Variants in PPP2R3A observed in about 807,000 individuals in gnomAD.
PPP2R3A encodes the protein protein phosphatase 2 regulatory subunit B''alpha.
In PPP2R3A, 80 loss-of-function variants were observed where a neutral mutation model predicts 106.9. The observed-to-expected ratio is 0.75, with a 90% CI of 0.62 to 0.90. PPP2R3A has a LOEUF of 0.90. Among genes scored for constraint, PPP2R3A ranks in the 40% least tolerant of loss-of-function variants. PPP2R3A has a pLI of 0.00. For synonymous variants in PPP2R3A, 483 were observed against 468.3 expected, an observed-to-expected ratio of 1.03 and a Z score of -0.41; for missense variants, 1,386 against 1,350.4, an observed-to-expected ratio of 1.03 and a Z score of -0.41.
intron 1 of PPP2R3A, among the ~76,000 whole-genome samples, chr3:135,988,260 A>G (rs1291520238): frequency 6.6e-6 from 1 of 152,032 alleles, no homozygotes; most frequent in Non-Finnish European, 1.5e-5. Context: ...ATTAAAAAAA[A>G]AAAAAAACAG....
chr3:135,971,726 G>A (rs1214420695), intron 1 of PPP2R3A, among the ~76,000 whole-genome samples: 1 of 152,216 alleles, frequency 6.6e-6, no homozygotes, highest in Non-Finnish European at 1.5e-5. Flanking sequence ...GGTTTGTAAT[G>A]TGAGTCCATT....
chr3:136,055,273 T>C, intron 5 of PPP2R3A: 4 of 854,872 alleles, frequency 4.7e-6, no homozygotes, highest in South Asian at 1.3e-5. Flanking sequence ...TACAAATGGA[T>C]CACAGACCTG....
intron 13 of PPP2R3A, among the ~76,000 whole-genome samples, chr3:136,112,639 A>T (rs1937611343): frequency 6.6e-6 from 1 of 152,220 alleles, no homozygotes; most frequent in South Asian, 2.1e-4. Context: ...AGACAACATT[A>T]AAAAATGGAA....
intron 2 of PPP2R3A, among the ~76,000 whole-genome samples, chr3:136,024,739 T>C (rs895665824): frequency 7.2e-5 from 11 of 152,144 alleles, no homozygotes; most frequent in Admixed American, 1.3e-4. Context: ...ACAGAAAACA[T>C]TGGTGATTGT....
At chr3:136,116,046 T>C (rs1380203080) in intron 13 of PPP2R3A, among the ~76,000 whole-genome samples, 1 of 152,070 alleles carries the variant, frequency 6.6e-6, no homozygotes, top group Non-Finnish European at 1.5e-5. Flanking sequence ...ACAGCAGATC[T>C]CTGCAGAAAC....
chr3:135,983,404 C>T (rs1937565094), intron 1 of PPP2R3A, among the ~76,000 whole-genome samples: 1 of 152,162 alleles, frequency 6.6e-6, no homozygotes, highest in South Asian at 2.1e-4. Flanking sequence ...ATCACACTGC[C>T]ACCTGAATCC....
At chr3:136,059,317 A>G (rs1935997958) in intron 5 of PPP2R3A, among the ~76,000 whole-genome samples, 1 of 152,192 alleles carries the variant, frequency 6.6e-6, no homozygotes, top group Admixed American at 6.5e-5. Flanking sequence ...AAGTGAGCAA[A>G]ATACATGAAC....
intron 13 of PPP2R3A, among the ~76,000 whole-genome samples, chr3:136,131,878 C>T (rs1938435628): frequency 6.6e-6 from 1 of 151,874 alleles, no homozygotes; most frequent in African/African-American, 2.4e-5. Flanking sequence ...TGGATGAAGC[C>T]GAAAACCATC....
In PPP2R3A at chr3:136,070,695, T is replaced by C. The variant is rs1006516256; in HGVS notation, c.2544+143T>C. 4 of 626,522 alleles carry C rather than the reference T, an allele frequency of 6.4e-6. No individual in the cohort carries two copies. In the African/African-American group the frequency reaches 7.7e-5, roughly 12 times the overall value. The allele number at this position is 626,522 out of a possible 1,614,324, so 38.8% of individuals were successfully genotyped here. A position where few individuals can be genotyped will look rare whatever the true frequency, so the allele number is the denominator to read the frequency against. On this transcript the variant is annotated intron_variant, in intron 6 of 13. Transcript: ENST00000264977. ...CAAGTGGAAGGAAGCTAAAATAAAATTGAATTCATAATTTCTTCATTTTTA... is the reference window on the plus strand; with the variant it reads ...CAAGTGGAAGGAAGCTAAAATAAAACTGAATTCATAATTTCTTCATTTTTA...
At position 136,147,688 on chromosome 3, in the gene PPP2R3A, A is replaced by G. The variant is rs1939193485; in HGVS notation, c.*2522A>G. ...TTCAATGAGAAATGAGTTTAATAGCATAACATTACCAAGGTAATCAAACTA... is the reference window on the plus strand; with the variant it reads ...TTCAATGAGAAATGAGTTTAATAGCGTAACATTACCAAGGTAATCAAACTA... On this transcript the variant is annotated 3_prime_UTR_variant, in exon 14 of 14. Coordinates refer to ENST00000264977, the MANE Select transcript of PPP2R3A (RefSeq NM_002718.5). The G allele has an allele frequency of 6.6e-6, 1 of 152,382 alleles. No homozygotes were observed. Among genetic ancestry groups the G allele is most frequent in the Non-Finnish European group, 1.5e-5 (1 of 68,026 alleles). The allele number at this position is 152,382 out of a possible 1,614,324, so 9.4% of individuals were successfully genotyped here.
chr3:136,091,230 A>T (rs760223996), intron 10 of PPP2R3A, among the ~76,000 whole-genome samples: 2 of 152,208 alleles, frequency 1.3e-5, no homozygotes, highest in African/African-American at 4.8e-5. Context: ...GTTTGTGCTC[A>T]GTACCAAGGG....
intron 5 of PPP2R3A, among the ~76,000 whole-genome samples, chr3:136,051,403 C>T (rs951965095): frequency 1.1e-4 from 17 of 152,188 alleles, no homozygotes; most frequent in African/African-American, 4.1e-4. Context: ...GATCTTGGCT[C>T]ACTGCAGCCT....
At chr3:136,144,921 C>A in intron 13 of PPP2R3A, 122 bp from the exon 14 acceptor site, 1 of 1,062,570 alleles carries the variant, frequency 9.4e-7, no homozygotes, top group Non-Finnish European at 1.3e-6. Flanking sequence ...TTGCTCACGG[C>A]CTCCATTTAG....
intron 2 of PPP2R3A, among the ~76,000 whole-genome samples, chr3:136,007,892 G>A (rs532752456): frequency 7.2e-5 from 11 of 152,190 alleles, no homozygotes; most frequent in African/African-American, 2.4e-4. Flanking sequence ...TTGGATGCCC[G>A]AGAGAAATCT....
At chr3:136,011,190 A>C (rs942126635) in intron 2 of PPP2R3A, among the ~76,000 whole-genome samples, 8 of 151,862 alleles carry the variant, frequency 5.3e-5, no homozygotes, top group Admixed American at 3.9e-4. Flanking sequence ...GCACACATAC[A>C]ATCTTTGGCA....
chr3:135,994,249 C>T (rs1384546698), intron 1 of PPP2R3A, among the ~76,000 whole-genome samples: 1 of 152,156 alleles, frequency 6.6e-6, no homozygotes, highest in Admixed American at 6.6e-5. Flanking sequence ...AGACTAGGAG[C>T]TGGAGTTAGT....
chr3:135,984,503 C>A (rs1014008594), intron 1 of PPP2R3A, among the ~76,000 whole-genome samples: 1 of 152,134 alleles, frequency 6.6e-6, no homozygotes, highest in African/African-American at 2.4e-5. Context: ...GAATTGTAAT[C>A]CCCAAGTGTT....
intron 1 of PPP2R3A, among the ~76,000 whole-genome samples, chr3:135,978,717 C>T (rs1293501955): frequency 3.3e-5 from 5 of 151,856 alleles, no homozygotes; most frequent in Non-Finnish European, 7.4e-5. Flanking sequence ...TCAAAATAAG[C>T]AGCTGATCTT....
rs187160083 is a variant in PPP2R3A, at chr3:136,117,463, C to T, written c.3329+11141C>T. ...CCAGGAGCTGGTTTTTTGAAAAAATCAACAAAATAGACCTCTAGCCAGACT... is the reference window on the plus strand; with the variant it reads ...CCAGGAGCTGGTTTTTTGAAAAAATTAACAAAATAGACCTCTAGCCAGACT... On this transcript the variant is annotated intron_variant, in intron 13 of 13. Coordinates refer to ENST00000264977, the MANE Select transcript of PPP2R3A (RefSeq NM_002718.5). 6.9e-3 allele frequency among the ~76,000 whole-genome samples: 1,051 copies of T among 151,932 alleles called. 15 individuals are homozygous for T. Among genetic ancestry groups the T allele is most frequent in the African/African-American group, 0.023 (971 of 41,464 alleles).
Sources: allele counts gnomAD v4.1 joint callset (sites outside exome capture counted in the v4.1 genomes callset), GRCh38; gene constraint gnomAD v4.1.1; transcripts MANE v1.5; gene names NCBI Gene and HGNC (gene_info 2026-07-23, HGNC 2026-07-21).